The following PYGO1 variants were observed in gnomAD, a reference collection of about 807,000 sequenced individuals.
The protein encoded by PYGO1 is pygopus homolog 1.
PYGO1 carries 6 observed loss-of-function variants against 29.5 expected under a neutral mutation model. That is an observed-to-expected ratio of 0.20 (90% CI 0.11 to 0.40). PYGO1 has a LOEUF of 0.40. PYGO1 is among the 10% of genes least tolerant of loss of function. The pLI, the probability that PYGO1 is intolerant of heterozygous loss-of-function variation, is 1.00. For synonymous variants in PYGO1, 186 were observed against 180.5 expected (o/e 1.03, Z -0.24); for missense variants, 515 against 514.9 (o/e 1.00, Z 0.00).
At chr15:55,565,272 C>T (rs1385256275) in intron 1 of PYGO1, among the ~76,000 whole-genome samples, 1 of 151,926 alleles carries the variant, frequency 6.6e-6, no homozygotes, top group Non-Finnish European at 1.5e-5. Context: ...GAATTCTGCC[C>T]CTACATAAAC....
Position 55,542,173 on chromosome 15 carries a change from TA to T in PYGO1, c.*3849del, listed in dbSNP as rs1449185534. ...CTATAGTACATTGAACAATAAGTGC[TA>T]AAACTCTAATTTGTTCGAGACAAAC... On this transcript the variant is annotated 3_prime_UTR_variant, in exon 3 of 3. Coordinates refer to ENST00000563719, the MANE Select transcript of PYGO1 (RefSeq NM_001367806.1). The T allele has an allele frequency of 1.3e-5, 2 of 152,186 alleles. No homozygotes were observed. Among genetic ancestry groups the T allele is most frequent in the Non-Finnish European group, 2.9e-5 (2 of 68,034 alleles). 9.4% of individuals were successfully genotyped at this position (152,186 alleles called of 1,614,324 possible). A position where few individuals can be genotyped will look rare whatever the true frequency, so the allele number is the denominator to read the frequency against.
At chr15:55,550,364 G>C (rs896496719) in intron 1 of PYGO1, among the ~76,000 whole-genome samples, 1 of 152,108 alleles carries the variant, frequency 6.6e-6, no homozygotes, top group East Asian at 1.9e-4. Flanking sequence ...GATACTTGAA[G>C]GCCAGGGGAA....
chr15:55,585,173 T>C (rs1033696124), intron 1 of PYGO1, among the ~76,000 whole-genome samples: 6 of 152,210 alleles, frequency 3.9e-5, no homozygotes, highest in Non-Finnish European at 8.8e-5. Flanking sequence ...TTGCTATATG[T>C]GTGTTAATAA....
intron 1 of PYGO1, among the ~76,000 whole-genome samples, chr15:55,553,195 G>C (rs2058887663): frequency 6.6e-6 from 1 of 152,018 alleles, no homozygotes; most frequent in Non-Finnish European, 1.5e-5. Context: ...CCTCCCTGTG[G>C]GAATTTCCAA....
At chr15:55,567,848 G>T (rs566562440) in intron 1 of PYGO1, among the ~76,000 whole-genome samples, 1 of 152,038 alleles carries the variant, frequency 6.6e-6, no homozygotes, top group East Asian at 1.9e-4. Flanking sequence ...CATTTACTGG[G>T]CCTTTCACCA....
At chr15:55,554,611 A>C (rs1369249115) in intron 1 of PYGO1, among the ~76,000 whole-genome samples, 1 of 152,192 alleles carries the variant, frequency 6.6e-6, no homozygotes, top group Non-Finnish European at 1.5e-5. Context: ...AATGCAAAGA[A>C]GCTAAGAATC....
At position 55,587,971 on chromosome 15, in the gene PYGO1, C is replaced by G. The variant is rs1048128440; in HGVS notation, c.-88G>C. The G allele has an allele frequency of 6.0e-5, 85 of 1,423,566 alleles. 1 individual carries two copies. The highest frequency in any genetic ancestry group is 7.3e-5 in the Non-Finnish European group (79 of 1,082,740). The allele number at this position is 1,423,566 out of a possible 1,614,324, so 88.2% of individuals were successfully genotyped here. A position where few individuals can be genotyped will look rare whatever the true frequency, so the allele number is the denominator to read the frequency against. The stretch of plus-strand genomic sequence containing the variant: ...CGGCGGCTCCTCCTCCTCGCGGGGC[C>G]GCTGCGGCTGCGAGGCAAGCCTCGG... On this transcript the variant is annotated 5_prime_UTR_variant, in exon 1 of 3. Coordinates refer to ENST00000563719, the MANE Select transcript of PYGO1 (RefSeq NM_001367806.1).
chr15:55,558,848 G>T (rs1329575773), intron 1 of PYGO1, among the ~76,000 whole-genome samples: 1 of 151,942 alleles, frequency 6.6e-6, no homozygotes, highest in Non-Finnish European at 1.5e-5. Context: ...ATGGATTAAA[G>T]ACTTAAATAT....
Position 55,544,507 on chromosome 15 carries a change from G to A in PYGO1, c.*1516C>T, listed in dbSNP as rs1458058627. On this transcript the variant is annotated 3_prime_UTR_variant, in exon 3 of 3. Coordinates refer to ENST00000563719, the MANE Select transcript of PYGO1 (RefSeq NM_001367806.1). ...TTAGTAGCTTGTGACATGTGAGGTCGAGTCCTTGTCTGTGAAAGTGTAGGT... is the reference window on the plus strand; with the variant it reads ...TTAGTAGCTTGTGACATGTGAGGTCAAGTCCTTGTCTGTGAAAGTGTAGGT... 1.3e-5 allele frequency: 2 copies of A among 152,192 alleles called. No homozygotes were observed. The highest frequency in any genetic ancestry group is 2.9e-5 in the Non-Finnish European group (2 of 68,036). The allele number at this position is 152,192 out of a possible 1,614,324, so 9.4% of individuals were successfully genotyped here. A position where few individuals can be genotyped will look rare whatever the true frequency, so the allele number is the denominator to read the frequency against.
rs2059056879 is a variant in PYGO1, at chr15:55,588,032, C to T, written c.-149G>A. 2.4e-6 allele frequency: 3 copies of T among 1,244,292 alleles called. No individual in the cohort carries two copies. The highest frequency in any genetic ancestry group is 2.0e-6 in the Non-Finnish European group (2 of 990,480). The allele number at this position is 1,244,292 out of a possible 1,614,324, so 77.1% of individuals were successfully genotyped here. Reference sequence around the variant, plus strand: ...CGGCCGAGGGCGGTGGGGACGCGGGCCGACTTTGCAAAGTTTGGGAGGAGG... The same window carrying T: ...CGGCCGAGGGCGGTGGGGACGCGGGTCGACTTTGCAAAGTTTGGGAGGAGG... On this transcript the variant is annotated 5_prime_UTR_variant, in exon 1 of 3. Transcript: ENST00000563719.
chr15:55,563,884 G>A (rs1255600151), intron 1 of PYGO1, among the ~76,000 whole-genome samples: 4 of 152,184 alleles, frequency 2.6e-5, no homozygotes, highest in Admixed American at 6.5e-5. Flanking sequence ...TGGGATGGCT[G>A]TAATCAAAAA....
At chr15:55,566,295 TC>T (rs1186337893) in intron 1 of PYGO1, among the ~76,000 whole-genome samples, 2 of 151,998 alleles carry the variant, frequency 1.3e-5, no homozygotes, top group Non-Finnish European at 2.9e-5. Flanking sequence ...AATGTTTAGC[TC>T]CCACTTACAA....
chr15:55,558,199 C>T (rs548774709), intron 1 of PYGO1, among the ~76,000 whole-genome samples: 20 of 152,216 alleles, frequency 1.3e-4, no homozygotes, highest in African/African-American at 4.6e-4. Context: ...TTCTTATACA[C>T]CAATAACAGA....
chr15:55,565,502 G>C (rs548694630), intron 1 of PYGO1, among the ~76,000 whole-genome samples: 8 of 151,650 alleles, frequency 5.3e-5, no homozygotes, highest in Non-Finnish European at 8.8e-5. Flanking sequence ...TCAGGAGTTC[G>C]AGACCAGCCT....
intron 2 of PYGO1, among the ~76,000 whole-genome samples, chr15:55,547,980 C>G (rs946255212): frequency 6.6e-6 from 1 of 152,070 alleles, no homozygotes; most frequent in Non-Finnish European, 1.5e-5. Flanking sequence ...GCATTCATGC[C>G]CTTTAAAAAC....
intron 1 of PYGO1, among the ~76,000 whole-genome samples, chr15:55,552,183 C>G (rs1417000425): frequency 6.6e-6 from 1 of 151,322 alleles, no homozygotes; most frequent in African/African-American, 2.4e-5. Flanking sequence ...GGCGAAACCC[C>G]GTCTCTACTA....
In PYGO1 at chr15:55,541,088, A is replaced by G. The variant is rs917826868; in HGVS notation, c.*4935T>C. Reference sequence around the variant, plus strand: ...ATGTATTATTGACAAAATATGACAAAGATGCTTATCCACTGAGTTTCATCA... The same window carrying G: ...ATGTATTATTGACAAAATATGACAAGGATGCTTATCCACTGAGTTTCATCA... On this transcript the variant is annotated 3_prime_UTR_variant, in exon 3 of 3. Transcript: ENST00000563719. The G allele has an allele frequency of 6.6e-6, 1 of 152,232 alleles. No individual in the cohort carries two copies. Among genetic ancestry groups the G allele is most frequent in the Non-Finnish European group, 1.5e-5 (1 of 68,034 alleles). 9.4% of individuals were successfully genotyped at this position (152,232 alleles called of 1,614,324 possible). A position where few individuals can be genotyped will look rare whatever the true frequency, so the allele number is the denominator to read the frequency against.
upstream of PYGO1, chr15:55,588,742 G>A: frequency 6.4e-7 from 1 of 1,553,670 alleles, no homozygotes; most frequent in Non-Finnish European, 8.9e-7. Context: ...TCCGAACTTC[G>A]TCGGAGGCCA....
chr15:55,579,541 G>C (rs146949621), intron 1 of PYGO1, among the ~76,000 whole-genome samples: 1 of 151,840 alleles, frequency 6.6e-6, no homozygotes, highest in Non-Finnish European at 1.5e-5. Flanking sequence ...TAAGCGACTG[G>C]GTCTTGCTCT....
Sources: allele counts gnomAD v4.1 joint callset (sites outside exome capture counted in the v4.1 genomes callset), GRCh38; gene constraint gnomAD v4.1.1; transcripts MANE v1.5; gene names NCBI Gene and HGNC (gene_info 2026-07-23, HGNC 2026-07-21).